TNNI3K: variants seen among roughly 807,000 people sequenced by gnomAD.
TNNI3K encodes serine/threonine-protein kinase TNNI3K.
A neutral mutation model predicts 114.5 loss-of-function variants in TNNI3K; 140 were observed. That is an observed-to-expected ratio of 1.22 (90% CI 1.07 to 1.41). The LOEUF (loss-of-function observed/expected upper bound fraction) is 1.41. Ranked by LOEUF, TNNI3K falls within the 40% of genes most tolerant of loss-of-function variation. The pLI is 0.00. For missense variants in TNNI3K, 1,125 were observed against 1,007.6 expected, an observed-to-expected ratio of 1.12 and a Z score of -1.58; for synonymous variants, 347 against 347.5, an observed-to-expected ratio of 1.00 and a Z score of 0.02.
chr1:74,297,526 T>TGTGTGC (rs1553128513), intron 5 of TNNI3K, among the ~76,000 whole-genome samples: 10 of 148,976 alleles, frequency 6.7e-5, no homozygotes, highest in Admixed American at 5.3e-4. Context: ...TGTGTGCGTG[T>TGTGTGC]GTGTGTGTGT....
Position 74,463,480 on chromosome 1 carries a change from C to T in TNNI3K, c.2051C>T (p.Pro684Leu), listed in dbSNP as rs200093821. The change falls in exon 21 of 25, where the codon CCT (proline) becomes CTT (leucine). Residue 684 changes from proline (P) to leucine (L), a missense_variant. Physicochemically the swap from Pro to Leu is moderately conservative, Grantham distance 98. Coordinates refer to ENST00000326637, the MANE Select transcript of TNNI3K (RefSeq NM_015978.3). The stretch of plus-strand genomic sequence containing the variant: ...GACATGGCTTACCACCACATCAGAC[C>T]TCCCATTGGCTATTCCATTCCCAAG... ...AADMAYHHIRPPIGYSIPKPI... is the reference protein window; with the variant it reads ...AADMAYHHIRLPIGYSIPKPI... The T allele has an allele frequency of 3.1e-6, 5 of 1,614,188 alleles. No homozygotes were observed. The highest frequency in any genetic ancestry group is 3.4e-6 in the Non-Finnish European group (4 of 1,180,040).
chr1:74,456,835 T>C (rs933744379), intron 20 of TNNI3K, among the ~76,000 whole-genome samples: 7 of 152,114 alleles, frequency 4.6e-5, no homozygotes, highest in Non-Finnish European at 1.0e-4. Flanking sequence ...TAACTCAGAG[T>C]TGCAAACTGG....
intron 5 of TNNI3K, among the ~76,000 whole-genome samples, chr1:74,324,014 T>G (rs906144264): frequency 2.0e-5 from 3 of 152,178 alleles, no homozygotes; most frequent in African/African-American, 7.2e-5. Flanking sequence ...TAGACAATAG[T>G]AACAAATGCT....
chr1:74,270,828 C>A (rs1018797208), intron 4 of TNNI3K, among the ~76,000 whole-genome samples: 6 of 151,396 alleles, frequency 4.0e-5, no homozygotes, highest in Non-Finnish European at 7.4e-5. Context: ...AAATACAAAA[C>A]AAAATTACAT....
chr1:74,243,570 T>C (rs1404245603), intron 2 of TNNI3K, among the ~76,000 whole-genome samples: 1 of 152,196 alleles, frequency 6.6e-6, no homozygotes, highest in African/African-American at 2.4e-5. Flanking sequence ...GTTCAAATGT[T>C]ACATTTTAAT....
At chr1:74,531,649 AG>A (rs2100442024) in intron 23 of TNNI3K, among the ~76,000 whole-genome samples, 1 of 152,294 alleles carries the variant, frequency 6.6e-6, no homozygotes, top group Admixed American at 6.5e-5. Flanking sequence ...CACCTTTATT[AG>A]GCATTTCAGC....
At chr1:74,310,114 C>G (rs896910338) in intron 5 of TNNI3K, among the ~76,000 whole-genome samples, 2 of 152,112 alleles carry the variant, frequency 1.3e-5, no homozygotes, top group African/African-American at 4.8e-5. Flanking sequence ...AGTAAAGTTT[C>G]AGGATACAAA....
At chr1:74,339,515 G>A (rs1660647168) in intron 7 of TNNI3K, among the ~76,000 whole-genome samples, 1 of 152,052 alleles carries the variant, frequency 6.6e-6, no homozygotes, top group South Asian at 2.1e-4. Context: ...ATAGGAGAAA[G>A]ATTAAATAAA....
At chr1:74,371,254 A>G (rs925489180) in intron 17 of TNNI3K, 1 of 151,880 alleles carries the variant, frequency 6.6e-6, no homozygotes, top group Admixed American at 6.6e-5. Context: ...CTAGTCAGTC[A>G]TTTGGTCAAC....
At chr1:74,401,605 G>A (rs1278467234) in intron 17 of TNNI3K, among the ~76,000 whole-genome samples, 1 of 152,142 alleles carries the variant, frequency 6.6e-6, no homozygotes, top group Non-Finnish European at 1.5e-5. Flanking sequence ...TACTTTTAGA[G>A]TACTAAACAT....
intron 4 of TNNI3K, among the ~76,000 whole-genome samples, chr1:74,267,304 AG>A (rs1374302502): frequency 1.8e-4 from 27 of 151,998 alleles, no homozygotes; most frequent in Admixed American, 4.6e-4. Context: ...TTATTCCATT[AG>A]GACAAAATAT....
At chr1:74,311,661 G>A (rs375837763) in intron 5 of TNNI3K, among the ~76,000 whole-genome samples, 7 of 152,226 alleles carry the variant, frequency 4.6e-5, no homozygotes, top group South Asian at 4.1e-4. Flanking sequence ...TATCTGGTCC[G>A]AATCTGAAGT....
chr1:74,493,606 T>A (rs1370833290), intron 23 of TNNI3K, among the ~76,000 whole-genome samples: 1 of 152,192 alleles, frequency 6.6e-6, no homozygotes, highest in Non-Finnish European at 1.5e-5. Context: ...GGATATACAA[T>A]CATAATCATT....
intron 20 of TNNI3K, among the ~76,000 whole-genome samples, chr1:74,440,360 T>C (rs1666322717): frequency 6.6e-6 from 1 of 152,124 alleles, no homozygotes; most frequent in African/African-American, 2.4e-5. Context: ...ACTTGTAAAG[T>C]AGTTGTCAAA....
At chr1:74,326,400 G>A (rs899874576) in intron 5 of TNNI3K, among the ~76,000 whole-genome samples, 8 of 152,112 alleles carry the variant, frequency 5.3e-5, no homozygotes, top group African/African-American at 1.7e-4. Context: ...ATAAGTTAAA[G>A]TTATACTGTA....
At chr1:74,392,488 GC>G (rs1663840623) in intron 17 of TNNI3K, among the ~76,000 whole-genome samples, 1 of 152,154 alleles carries the variant, frequency 6.6e-6, no homozygotes, top group Non-Finnish European at 1.5e-5. Flanking sequence ...GCTGTCCATA[GC>G]CCTTAGTCCA....
chr1:74,378,986 A>G (rs183506945), intron 17 of TNNI3K, among the ~76,000 whole-genome samples: 23 of 152,140 alleles, frequency 1.5e-4, no homozygotes, highest in Non-Finnish European at 2.9e-5. Flanking sequence ...TTTTTAGTTT[A>G]TTAATGTATT....
chr1:74,282,150 T>C (rs1570414057), intron 5 of TNNI3K, among the ~76,000 whole-genome samples: 1 of 152,008 alleles, frequency 6.6e-6, no homozygotes, highest in Non-Finnish European at 1.5e-5. Flanking sequence ...GAGTGAAATG[T>C]ATCTCACTGT....
At chr1:74,528,691 C>A (rs1646540186) in intron 23 of TNNI3K, among the ~76,000 whole-genome samples, 1 of 152,216 alleles carries the variant, frequency 6.6e-6, no homozygotes, top group Non-Finnish European at 1.5e-5. Context: ...TATGCTTTGA[C>A]AGAGCAAAGT....
Sources: allele counts gnomAD v4.1 joint callset (sites outside exome capture counted in the v4.1 genomes callset), GRCh38; gene constraint gnomAD v4.1.1; transcripts MANE v1.5; gene names NCBI Gene and HGNC (gene_info 2026-07-23, HGNC 2026-07-21).